The following KCND2 variants were observed in gnomAD, a reference collection of about 807,000 sequenced individuals.
KCND2 encodes A-type voltage-gated potassium channel KCND2.
KCND2 carries 16 observed loss-of-function variants against 54.4 expected under a neutral mutation model. That is an observed-to-expected ratio of 0.29 (90% CI 0.20 to 0.45). KCND2 has a LOEUF of 0.45. KCND2 is among the 20% of genes least tolerant of loss of function. The probability of loss-of-function intolerance (pLI) is 1.00; values close to 1 mark genes in which losing one functional copy is unlikely to be tolerated. For missense variants in KCND2, 486 were observed against 824.2 expected (o/e 0.59, Z 5.02); for synonymous variants, 317 against 310.7 (o/e 1.02, Z -0.21).
intron 1 of KCND2, among the ~76,000 whole-genome samples, chr7:120,276,278 T>C (rs187692478): frequency 6.6e-6 from 1 of 152,302 alleles, no homozygotes; most frequent in African/African-American, 2.4e-5. Flanking sequence ...AAGTATTTTA[T>C]AATATATATG....
chr7:120,297,951 T>C (rs1045329961), intron 1 of KCND2, among the ~76,000 whole-genome samples: 1 of 152,198 alleles, frequency 6.6e-6, no homozygotes, highest in Non-Finnish European at 1.5e-5. Flanking sequence ...ATGGTCTACA[T>C]TTGTTCAGTT....
chr7:120,732,678 T>G (rs745311967), intron 1 of KCND2, among the ~76,000 whole-genome samples: 14 of 152,168 alleles, frequency 9.2e-5, no homozygotes, highest in Non-Finnish European at 2.1e-4. Flanking sequence ...ATCAAAAAGA[T>G]TACTTAATGT....
intron 1 of KCND2, among the ~76,000 whole-genome samples, chr7:120,657,077 C>A (rs1166403254): frequency 1.2e-4 from 18 of 151,904 alleles, no homozygotes; most frequent in Non-Finnish European, 5.9e-5. Context: ...TAAAAAAAAA[C>A]AATTCTGTTT....
intron 1 of KCND2, among the ~76,000 whole-genome samples, chr7:120,540,717 C>T (rs748428211): frequency 2.8e-4 from 42 of 152,058 alleles, no homozygotes; most frequent in Non-Finnish European, 5.0e-4. Context: ...AACTTCCAAC[C>T]GCTATAATGG....
At chr7:120,308,985 T>C (rs1243524575) in intron 1 of KCND2, among the ~76,000 whole-genome samples, 1 of 152,152 alleles carries the variant, frequency 6.6e-6, no homozygotes, top group Non-Finnish European at 1.5e-5. Context: ...AATGAATGTT[T>C]ATTATAAGAT....
intron 1 of KCND2, among the ~76,000 whole-genome samples, chr7:120,588,851 A>G (rs148804797): frequency 1.3e-5 from 2 of 152,282 alleles, no homozygotes; most frequent in African/African-American, 4.8e-5. Context: ...TTGGGACATA[A>G]TTGTCCACCT....
chr7:120,324,841 G>T (rs964713868), intron 1 of KCND2, among the ~76,000 whole-genome samples: 32 of 149,154 alleles, frequency 2.1e-4, no homozygotes, highest in South Asian at 4.4e-4. Context: ...GTGAAGAAAG[G>T]CATTGGTAGC....
chr7:120,742,693 C>T, intron 4 of KCND2, 91 bp downstream of exon 4: 1 of 970,444 alleles, frequency 1.0e-6, no homozygotes, highest in Middle Eastern at 2.1e-4. Flanking sequence ...TGTGATTTCA[C>T]TGTCTGCATT....
chr7:120,273,135 G>A (rs547210443), upstream of KCND2, among the ~76,000 whole-genome samples: 33 of 152,312 alleles, frequency 2.2e-4, no homozygotes, highest in African/African-American at 7.0e-4. Context: ...GGCGGGGGCG[G>A]AGAAAGGTCA....
At chr7:120,557,300 T>A (rs1196090524) in intron 1 of KCND2, among the ~76,000 whole-genome samples, 9 of 152,268 alleles carry the variant, frequency 5.9e-5, no homozygotes, top group African/African-American at 2.2e-4. Flanking sequence ...TTATAATTCA[T>A]CTTTTCTTGC....
chr7:120,541,588 C>A (rs1180371149), intron 1 of KCND2, among the ~76,000 whole-genome samples: 2 of 152,092 alleles, frequency 1.3e-5, no homozygotes, highest in Non-Finnish European at 2.9e-5. Context: ...CTGAGACTAG[C>A]ATGTTCCAAG....
chr7:120,663,295 A>C (rs1310564754), intron 1 of KCND2, among the ~76,000 whole-genome samples: 2 of 152,182 alleles, frequency 1.3e-5, no homozygotes, highest in Non-Finnish European at 2.9e-5. Flanking sequence ...CAGTTGAGCA[A>C]TCAGCAATAA....
chr7:120,715,087 T>C (rs568310411), intron 1 of KCND2, among the ~76,000 whole-genome samples: 60 of 152,162 alleles, frequency 3.9e-4, no homozygotes, highest in East Asian at 7.7e-4. Flanking sequence ...AGTACAGCCT[T>C]TGCCGATCAA....
In KCND2 at chr7:120,680,589, C is replaced by T. The variant is rs887675548; in HGVS notation, c.1116-52314C>T. ...TGTTAGCGAGGCCTTCTCCAGCCAC[C>T]CGATGCATATTGTTCCTCTGGCCTA... On this transcript the variant is annotated intron_variant, in intron 1 of 5. Coordinates refer to ENST00000331113, the MANE Select transcript of KCND2 (RefSeq NM_012281.3). Among the ~76,000 whole-genome samples, 3 of 152,062 alleles carry T rather than the reference C, an allele frequency of 2.0e-5. 1 individual carries two copies. Among genetic ancestry groups the T allele is most frequent in the Non-Finnish European group, 1.5e-5 (1 of 67,968 alleles).
chr7:120,704,010 T>C (rs1792435154), intron 1 of KCND2, among the ~76,000 whole-genome samples: 1 of 152,204 alleles, frequency 6.6e-6, no homozygotes, highest in Admixed American at 6.5e-5. Flanking sequence ...AAAATAGCAA[T>C]GGCTAACTCG....
At chr7:120,611,317 A>G (rs935723429) in intron 1 of KCND2, among the ~76,000 whole-genome samples, 1 of 152,230 alleles carries the variant, frequency 6.6e-6, no homozygotes, top group Non-Finnish European at 1.5e-5. Context: ...TTGTGCTAAG[A>G]AACTGAACTG....
intron 1 of KCND2, among the ~76,000 whole-genome samples, chr7:120,622,715 TCA>T (rs151116039): frequency 0.026 from 3,251 of 126,796 alleles, 83 homozygotes; most frequent in East Asian, 0.077. Flanking sequence ...TCTCTCTCTC[TCA>T]CACACACACA....
chr7:120,649,162 T>A (rs1015930), intron 1 of KCND2, among the ~76,000 whole-genome samples: 143,338 of 152,102 alleles, frequency 0.94, 67,635 homozygotes, highest in East Asian at 1. Flanking sequence ...TAGACCTCAA[T>A]ATAAGACTTC....
At chr7:120,659,918 CAAATTTAATTAAGGA>C (rs1465209446) in intron 1 of KCND2, among the ~76,000 whole-genome samples, 1 of 152,050 alleles carries the variant, frequency 6.6e-6, no homozygotes, top group Non-Finnish European at 1.5e-5. Flanking sequence ...GTTCAAGAGT[CAAATTTAATTAAGGA>C]AAATATAGCA....
Sources: allele counts gnomAD v4.1 joint callset (sites outside exome capture counted in the v4.1 genomes callset), GRCh38; gene constraint gnomAD v4.1.1; transcripts MANE v1.5; gene names NCBI Gene and HGNC (gene_info 2026-07-23, HGNC 2026-07-21).